THEM4: variants seen among roughly 807,000 people sequenced by gnomAD.
THEM4 encodes the protein acyl-coenzyme A thioesterase THEM4.
Under a neutral mutation model 25.0 loss-of-function variants are expected in THEM4, and 22 were observed. The ratio of observed to expected loss-of-function variants is 0.88; its 90% CI spans 0.63 to 1.26. The LOEUF (loss-of-function observed/expected upper bound fraction) is 1.26, where lower values mean the gene tolerates loss of function less well. THEM4 is among the 50% of genes most tolerant of loss of function. The probability of loss-of-function intolerance (pLI) is 0.00; values close to 1 mark genes in which losing one functional copy is unlikely to be tolerated. For synonymous variants in THEM4, 113 were observed against 105.6 expected, an observed-to-expected ratio of 1.07 and a Z score of -0.43; for missense variants, 286 against 300.3, an observed-to-expected ratio of 0.95 and a Z score of 0.35.
intron 1 of THEM4, among the ~76,000 whole-genome samples, chr1:151,902,952 C>T (rs966627015): frequency 2.0e-5 from 3 of 152,260 alleles, no homozygotes; most frequent in African/African-American, 7.2e-5. Context: ...TGCACCACTG[C>T]ACTCCAGTCC....
chr1:151,894,741 G>A (rs1421873143), intron 2 of THEM4: 4 of 590,482 alleles, frequency 6.8e-6, no homozygotes, highest in Non-Finnish European at 1.2e-5. Flanking sequence ...GGTTGTAGGA[G>A]GGTGGAAGCT....
chr1:151,878,721 AT>A (rs1169751560), intron 4 of THEM4, among the ~76,000 whole-genome samples: 1 of 152,220 alleles, frequency 6.6e-6, no homozygotes, highest in Non-Finnish European at 1.5e-5. Context: ...TGTAACTAAT[AT>A]TTAGGCACAG....
At chr1:151,893,377 C>A (rs12723616) in intron 2 of THEM4, among the ~76,000 whole-genome samples, 1,805 of 130,404 alleles carry the variant, frequency 0.014, 1 homozygote, top group Non-Finnish European at 0.017. Context: ...TTCTCAAAAC[C>A]AAAAACAAAA....
intron 1 of THEM4, among the ~76,000 whole-genome samples, chr1:151,895,692 A>AC (rs1174239457): frequency 5.3e-5 from 8 of 151,658 alleles, no homozygotes; most frequent in East Asian, 1.9e-4. Context: ...GAAAAAAAAA[A>AC]AAAACACTGG....
In THEM4 at chr1:151,881,140, A is replaced by G. The variant is rs79377521; in HGVS notation, c.558-4015T>C. On this transcript the variant is annotated intron_variant, in intron 4 of 5. Transcript: ENST00000368814. ...CAGTATTTTAGCTGTCCTTTTGTTA[A>G]TCACTATAATTTATTTATTGTAAAT... Among the ~76,000 whole-genome samples the G allele has an allele frequency of 8.8e-3, 1,337 of 152,192 alleles. 16 individuals carry two copies. Among genetic ancestry groups the G allele is most frequent in the African/African-American group, 0.03 (1,253 of 41,526 alleles).
rs1654040857 is a variant in THEM4 at position 151,889,379 on chromosome 1, G to A, written c.287-6C>T. 7 of 1,611,378 alleles carry A rather than the reference G, an allele frequency of 4.3e-6. No individual in the cohort carries two copies. Among genetic ancestry groups the A allele is most frequent in the Non-Finnish European group, 5.1e-6 (6 of 1,178,536 alleles). On this transcript the variant is annotated splice_region_variant and splice_polypyrimidine_tract_variant and intron_variant, in intron 2 of 5. Transcript: ENST00000368814. Reference sequence around the variant, plus strand: ...TTCTTTCATAAGCTTTGGGTCTATAGAAAATGAGGTGGATGGCAAATGAGA... The same window carrying A: ...TTCTTTCATAAGCTTTGGGTCTATAAAAAATGAGGTGGATGGCAAATGAGA...
At chr1:151,887,451 A>C (rs1479364759) in intron 4 of THEM4, among the ~76,000 whole-genome samples, 1 of 151,960 alleles carries the variant, frequency 6.6e-6, no homozygotes, top group African/African-American at 2.4e-5. Flanking sequence ...AATAATAATA[A>C]AAAAATTAAA....
At chr1:151,881,523 C>T (rs1255316310) in intron 4 of THEM4, among the ~76,000 whole-genome samples, 1 of 152,182 alleles carries the variant, frequency 6.6e-6, no homozygotes, top group Non-Finnish European at 1.5e-5. Context: ...TAAATTCTCT[C>T]CATTTGTTTG....
rs1654312119 is a variant in THEM4, at chr1:151,899,784, C to A, written c.100-4590G>T. ...TGGTCTTGCTAGAGATCTAGACATG[C>A]AAATACAAGAAGCACAAAGAGCACC... On this transcript the variant is annotated intron_variant, in intron 1 of 5. Coordinates refer to ENST00000368814, the MANE Select transcript of THEM4 (RefSeq NM_053055.5). Among the ~76,000 whole-genome samples, 3 of 152,076 alleles carry A rather than the reference C, an allele frequency of 2.0e-5. 1 individual carries two copies. Among genetic ancestry groups the A allele is most frequent in the Admixed American group, 1.3e-4 (2 of 15,262 alleles).
At chr1:151,888,516 T>C in intron 3 of THEM4, 133 bp from the exon 4 acceptor site, 2 of 598,340 alleles carry the variant, frequency 3.3e-6, no homozygotes, top group Non-Finnish European at 5.8e-6. Flanking sequence ...ATGTTCAGTG[T>C]ACTGAATGCC....
At chr1:151,888,162 G>T in intron 4 of THEM4, 111 bp downstream of exon 4, 1 of 767,694 alleles carries the variant, frequency 1.3e-6, no homozygotes, top group South Asian at 1.8e-5. Flanking sequence ...AGTCTCCTCT[G>T]GGAGCACTTC....
chr1:151,875,290 T>C (rs1164634023), intron 5 of THEM4, among the ~76,000 whole-genome samples: 1 of 152,214 alleles, frequency 6.6e-6, no homozygotes, highest in Non-Finnish European at 1.5e-5. Context: ...TTAAATTGAC[T>C]GTGGATTTAA....
intron 4 of THEM4, among the ~76,000 whole-genome samples, chr1:151,878,907 C>CACACACACACACACACACACAA (rs1653748105): frequency 6.6e-6 from 1 of 150,938 alleles, no homozygotes; most frequent in African/African-American, 2.4e-5. Flanking sequence ...CACACACACA[C>CACACACACACACACACACACAA]ACACACACAC....
At chr1:151,906,109 T>TC (rs1654456605) in intron 1 of THEM4, among the ~76,000 whole-genome samples, 1 of 152,210 alleles carries the variant, frequency 6.6e-6, no homozygotes, top group South Asian at 2.1e-4. Flanking sequence ...CAGAGCCGGC[T>TC]CCCTCAGCTT....
intron 1 of THEM4, among the ~76,000 whole-genome samples, chr1:151,903,147 T>A (rs955977301): frequency 1.4e-4 from 22 of 151,968 alleles, no homozygotes; most frequent in Non-Finnish European, 5.9e-5. Context: ...ATATATATAT[T>A]TTTTAATTGG....
intron 5 of THEM4, among the ~76,000 whole-genome samples, chr1:151,876,128 G>A (rs1351997301): frequency 6.6e-6 from 1 of 152,142 alleles, no homozygotes; most frequent in Non-Finnish European, 1.5e-5. Flanking sequence ...CAGGTCATGT[G>A]TGTGACTTTC....
At position 151,874,126 on chromosome 1, in the gene THEM4, C is replaced by T. The variant is rs1418795124; in HGVS notation, c.*762G>A. The T allele has an allele frequency of 6.6e-6, 1 of 152,234 alleles. No homozygotes were observed. The highest frequency in any genetic ancestry group is 1.5e-5 in the Non-Finnish European group (1 of 68,048). 9.4% of individuals were successfully genotyped at this position (152,234 alleles called of 1,614,324 possible). A position where few individuals can be genotyped will look rare whatever the true frequency, so the allele number is the denominator to read the frequency against. On this transcript the variant is annotated 3_prime_UTR_variant, in exon 6 of 6. Coordinates refer to ENST00000368814, the MANE Select transcript of THEM4 (RefSeq NM_053055.5). ...TTTGAGGTATTCATTCCTATAGGAT[C>T]TGGCTGTGCTTCCTACACTGACCAA...
At chr1:151,892,078 A>C (rs1389614430) in intron 2 of THEM4, among the ~76,000 whole-genome samples, 1 of 152,106 alleles carries the variant, frequency 6.6e-6, no homozygotes, top group Non-Finnish European at 1.5e-5. Context: ...CCCAGCCCAG[A>C]GGGCTTTTTA....
chr1:151,879,004 T>C (rs1337194009), intron 4 of THEM4, among the ~76,000 whole-genome samples: 5 of 147,054 alleles, frequency 3.4e-5, no homozygotes, highest in Admixed American at 2.1e-4. Context: ...ATCAAGACAA[T>C]GAGAGAGAGC....
Sources: allele counts gnomAD v4.1 joint callset (sites outside exome capture counted in the v4.1 genomes callset), GRCh38; gene constraint gnomAD v4.1.1; transcripts MANE v1.5; gene names NCBI Gene and HGNC (gene_info 2026-07-23, HGNC 2026-07-21).